KIF26A: variants seen among roughly 807,000 people sequenced by gnomAD.
The protein encoded by KIF26A is kinesin-like protein KIF26A.
KIF26A carries 74 observed loss-of-function variants against 126.0 expected under a neutral mutation model. The observed-to-expected ratio is 0.59, with a 90% confidence interval of 0.49 to 0.71. The LOEUF (loss-of-function observed/expected upper bound fraction) is 0.71. Ranked by LOEUF, KIF26A falls within the 30% of genes least tolerant of loss-of-function variation. The probability of loss-of-function intolerance (pLI) is 0.00; values close to 1 mark genes in which losing one functional copy is unlikely to be tolerated. For missense variants in KIF26A, 2,984 were observed against 2,763.3 expected (o/e 1.08, Z -1.79); for synonymous variants, 1,445 against 1,232.7 (o/e 1.17, Z -3.61).
chr14:104,143,177 C>T (rs1368782636), intron 2 of KIF26A, among the ~76,000 whole-genome samples: 1 of 152,226 alleles, frequency 6.6e-6, no homozygotes, highest in Admixed American at 6.5e-5. Flanking sequence ...CAGGCAGGGG[C>T]CTCATCCTTA....
rs935208116 is a variant in KIF26A, at chr14:104,173,245, C to T, written c.1683+6C>T. 1.9e-6 allele frequency: 3 copies of T among 1,605,106 alleles called. No individual in the cohort carries two copies. The highest frequency in any genetic ancestry group is 2.7e-5 in the African/African-American group (2 of 74,764). ...ACCCCGTGTGTGGGGCGCAGGTGCGCCTGCCTACTGTCCCACCTTGGGGGA... is the reference window on the plus strand; with the variant it reads ...ACCCCGTGTGTGGGGCGCAGGTGCGTCTGCCTACTGTCCCACCTTGGGGGA... On this transcript the variant is annotated splice_donor_region_variant and intron_variant, in intron 8 of 14. Transcript: ENST00000423312.
rs1328873902 is a variant in KIF26A at position 104,167,015 on chromosome 14, C to T, written c.1080C>T (p.Ser360=). ...CCCCCTGCCTGCTCAGGGCCGCCTC[C>T]AAGACCAAGGACAACCCTGGCAGCA... ...PAPPCLLRAA[S]KTKDNPGSIG... Residue 360 remains serine (S), a synonymous_variant, in exon 5 of 15, where the codon TCC becomes TCT. Transcript: ENST00000423312. 1.9e-6 allele frequency: 3 copies of T among 1,580,168 alleles called. No homozygotes were observed. The highest frequency in any genetic ancestry group is 2.6e-6 in the Non-Finnish European group (3 of 1,164,278).
At chr14:104,161,432 G>C (rs2037832037) in intron 4 of KIF26A, among the ~76,000 whole-genome samples, 1 of 152,224 alleles carries the variant, frequency 6.6e-6, no homozygotes, top group Non-Finnish European at 1.5e-5. Flanking sequence ...GGGTAATTAA[G>C]GGCCTCACCA....
chr14:104,170,172 A>T (rs1425151189), intron 5 of KIF26A, among the ~76,000 whole-genome samples: 1 of 152,234 alleles, frequency 6.6e-6, no homozygotes, highest in Admixed American at 6.5e-5. Context: ...TGCAGAGCCC[A>T]TTTGGCTCCT....
chr14:104,179,512 G>A (rs987105267), intron 14 of KIF26A, 97 bp from the exon 15 acceptor site: 5 of 1,431,390 alleles, frequency 3.5e-6, no homozygotes, highest in African/African-American at 1.4e-5. Context: ...GGGTCGGCCG[G>A]GCCAAGATGC....
chr14:104,178,424 G>A lies in KIF26A; in HGVS notation c.5111-126G>A, dbSNP rs1333560730. ...GCCCTGGGCAGAGCGCCAGCCTGAG[G>A]ATTCCTGGACTGGATCCCGAAGGCC... On this transcript the variant is annotated intron_variant, in intron 12 of 14. Transcript: ENST00000423312. 1.2e-5 allele frequency: 8 copies of A among 691,588 alleles called. No individual in the cohort carries two copies. The Admixed American group carries it at 1.8e-4, about 16-fold the overall frequency. The allele number at this position is 691,588 out of a possible 1,614,324, so 42.8% of individuals were successfully genotyped here. A position where few individuals can be genotyped will look rare whatever the true frequency, so the allele number is the denominator to read the frequency against.
chr14:104,177,651 G>GC lies in KIF26A; in HGVS notation c.4867dup (p.Gln1623ProfsTer39). On this transcript the variant is annotated frameshift_variant, in exon 12 of 15. Coordinates refer to ENST00000423312, the MANE Select transcript of KIF26A (RefSeq NM_015656.2). LOFTEE classifies it high-confidence loss of function. ...ACAGCAAGGTGACCGCCCCACGGCG[G>GC]CCCCAGCGCTACAGCAGCGGCCATG... 6.6e-7 allele frequency: 1 copy of GC among 1,526,168 alleles called. No individual in the cohort carries two copies. The highest frequency in any genetic ancestry group is 8.8e-7 in the Non-Finnish European group (1 of 1,141,000). The allele number at this position is 1,526,168 out of a possible 1,614,324, so 94.5% of individuals were successfully genotyped here. A position where few individuals can be genotyped will look rare whatever the true frequency, so the allele number is the denominator to read the frequency against.
Position 104,167,009 on chromosome 14 carries a change from C to T in KIF26A, c.1074C>T (p.Ala358=), listed in dbSNP as rs188090345. 47 of 1,580,848 alleles carry T rather than the reference C, an allele frequency of 3.0e-5. No individual in the cohort carries two copies. Among genetic ancestry groups the T allele is most frequent in the South Asian group, 1.4e-4 (12 of 86,520 alleles). The change falls in exon 5 of 15, where the codon GCC becomes GCT. Residue 358 remains alanine, a synonymous_variant. Coordinates refer to ENST00000423312, the MANE Select transcript of KIF26A (RefSeq NM_015656.2). ...PPPAPPCLLR[A]ASKTKDNPGS... ...CGGCGCCCCCCTGCCTGCTCAGGGC[C>T]GCCTCCAAGACCAAGGACAACCCTG...
At chr14:104,147,237 C>T (rs1405047544) in intron 2 of KIF26A, among the ~76,000 whole-genome samples, 1 of 152,200 alleles carries the variant, frequency 6.6e-6, no homozygotes, top group African/African-American at 2.4e-5. Flanking sequence ...CCACCCATAA[C>T]CCCAGATCCC....
intron 2 of KIF26A, among the ~76,000 whole-genome samples, chr14:104,144,638 A>G (rs926749053): frequency 3.2e-4 from 49 of 152,222 alleles, no homozygotes; most frequent in South Asian, 6.2e-4. Flanking sequence ...TTTGCCTGCT[A>G]GGAAGCTCAC....
intron 4 of KIF26A, among the ~76,000 whole-genome samples, chr14:104,160,327 C>A (rs1411644028): frequency 6.6e-6 from 1 of 152,118 alleles, no homozygotes; most frequent in Non-Finnish European, 1.5e-5. Flanking sequence ...AAGCACCCCC[C>A]AGCCGGATTA....
Position 104,176,849 on chromosome 14 carries a change from C to T in KIF26A, c.4061C>T (p.Pro1354Leu), listed in dbSNP as rs746685324. The change falls in exon 12 of 15, where the codon CCG becomes CTG. Residue 1354 changes from proline (P) to leucine (L), a missense_variant. By Grantham distance (98) the Pro-to-Leu change is moderately conservative. Coordinates refer to ENST00000423312, the MANE Select transcript of KIF26A (RefSeq NM_015656.2). ...CTGGCTCCCAAGGCGGGCTTCCTCC[C>T]GAGGCCCAGTGGGGCGGCCCCCCCG... ...KGLAPKAGFL[P>L]RPSGAAPPAP... 4.5e-5 allele frequency: 69 copies of T among 1,545,342 alleles called. No homozygotes were observed. Among genetic ancestry groups the T allele is most frequent in the Middle Eastern group, 3.7e-4 (2 of 5,444 alleles).
chr14:104,159,872 G>A (rs948545654), intron 4 of KIF26A, among the ~76,000 whole-genome samples: 4 of 151,898 alleles, frequency 2.6e-5, no homozygotes, highest in Admixed American at 2.6e-4. Flanking sequence ...AACCCTCAGG[G>A]GTGAGATCAG....
chr14:104,176,440 T>C lies in KIF26A; in HGVS notation c.3652T>C (p.Ser1218Pro). The change falls in exon 12 of 15, where the codon TCT (serine) becomes CCT (proline). Residue 1218 changes from serine (S) to proline (P), a missense_variant. Ser to Pro is a moderately conservative substitution (Grantham distance 74). Transcript: ENST00000423312. ...CCTCCCCCGGAAACCGAGGACTGCC[T>C]CTGCCACCACCCGTGTGGGCTGTGC... ...SSLPRKPRTA[S>P]ATTRVGCARL... 3.1e-6 allele frequency: 5 copies of C among 1,599,452 alleles called. No individual in the cohort carries two copies. Among genetic ancestry groups the C allele is most frequent in the Non-Finnish European group, 4.3e-6 (5 of 1,171,984 alleles).
chr14:104,145,261 G>A (rs572597336), intron 2 of KIF26A, among the ~76,000 whole-genome samples: 17 of 152,330 alleles, frequency 1.1e-4, no homozygotes, highest in African/African-American at 3.4e-4. Context: ...TTTCGTTCAC[G>A]GGCGTGCCCT....
rs2038033669 is a variant in KIF26A at position 104,176,740 on chromosome 14, C to T, written c.3952C>T (p.Pro1318Ser). The change falls in exon 12 of 15, where the codon CCA (proline) becomes TCA (serine). Residue 1318 changes from proline (P) to serine (S), a missense_variant. Physicochemically the swap from Pro to Ser is moderately conservative, Grantham distance 74. Coordinates refer to ENST00000423312, the MANE Select transcript of KIF26A (RefSeq NM_015656.2). ...RGATTLGVTTPAVSWGDAPTE... is the reference protein window; with the variant it reads ...RGATTLGVTTSAVSWGDAPTE... Reference sequence around the variant, plus strand: ...TGCCACCACGCTGGGTGTGACAACGCCAGCTGTGTCCTGGGGAGATGCTCC... The same window carrying T: ...TGCCACCACGCTGGGTGTGACAACGTCAGCTGTGTCCTGGGGAGATGCTCC... 3 of 1,587,032 alleles carry T rather than the reference C, an allele frequency of 1.9e-6. No individual in the cohort carries two copies. Among genetic ancestry groups the T allele is most frequent in the Non-Finnish European group, 1.7e-6 (2 of 1,168,092 alleles).
At chr14:104,163,227 C>T (rs2037849202) in intron 4 of KIF26A, among the ~76,000 whole-genome samples, 1 of 152,122 alleles carries the variant, frequency 6.6e-6, no homozygotes, top group African/African-American at 2.4e-5. Context: ...GCCCTGCCTG[C>T]CTGCCTCTGG....
chr14:104,173,953 G>A lies in KIF26A; in HGVS notation c.2030+85G>A, dbSNP rs2037988237. On this transcript the variant is annotated intron_variant, in intron 10 of 14. Coordinates refer to ENST00000423312, the MANE Select transcript of KIF26A (RefSeq NM_015656.2). ...CGTGTCTGGTGTGCCCGGTGCTGCT[G>A]TGGCCCCCAGCTCCTCAGGGCTTTG... The A allele has an allele frequency of 2.0e-6, 3 of 1,473,742 alleles. No individual in the cohort carries two copies. The African/African-American group carries it at 4.2e-5, about 21-fold the overall frequency. The allele number at this position is 1,473,742 out of a possible 1,614,324, so 91.3% of individuals were successfully genotyped here. A position where few individuals can be genotyped will look rare whatever the true frequency, so the allele number is the denominator to read the frequency against.
chr14:104,159,427 C>G (rs1027274311), intron 4 of KIF26A, among the ~76,000 whole-genome samples: 10 of 152,250 alleles, frequency 6.6e-5, no homozygotes, highest in Non-Finnish European at 1.3e-4. Flanking sequence ...CCCCCGGTCC[C>G]TGATGCTAAG....
Sources: allele counts gnomAD v4.1 joint callset (sites outside exome capture counted in the v4.1 genomes callset), GRCh38; gene constraint gnomAD v4.1.1; transcripts MANE v1.5; gene names NCBI Gene and HGNC (gene_info 2026-07-23, HGNC 2026-07-21).